MYOM2: variants seen among roughly 807,000 people sequenced by gnomAD.
MYOM2 encodes myomesin 2.
A neutral mutation model predicts 187.6 loss-of-function variants in MYOM2; 254 were observed. The ratio of observed to expected loss-of-function variants is 1.35; its 90% confidence interval spans 1.22 to 1.50. The LOEUF is 1.50. MYOM2 is among the 40% of genes most tolerant of loss of function. The pLI is 0.00. For missense variants in MYOM2, 2,796 were observed against 1,924.0 expected, an observed-to-expected ratio of 1.45 and a Z score of -8.48; for synonymous variants, 981 against 753.8, an observed-to-expected ratio of 1.30 and a Z score of -4.94.
intron 32 of MYOM2, among the ~76,000 whole-genome samples, chr8:2,129,716 G>A (rs891648504): frequency 6.6e-6 from 1 of 152,164 alleles, no homozygotes; most frequent in East Asian, 1.9e-4. Flanking sequence ...GCTTCTCTGG[G>A]TCGGTACGGA....
chr8:2,072,158 G>C (rs1442696256), intron 8 of MYOM2, among the ~76,000 whole-genome samples, 187 bp from the exon 9 acceptor site: 1 of 152,136 alleles, frequency 6.6e-6, no homozygotes, highest in African/African-American at 2.4e-5. Context: ...GTGAACCCGG[G>C]AGGCGAAGCC....
rs1796588920 is a variant in MYOM2 at position 2,098,913 on chromosome 8, G to C, written c.2370G>C (p.Leu790=). The change falls in exon 19 of 37, where the codon CTG becomes CTC. Residue 790 remains leucine (L), a synonymous_variant. Transcript: ENST00000262113. ...AGTTCAAAATCGCCGCCGTCAACCT[G>C]GCCGGCATCGGGGAGCCCTCAGATC... ...LYEFKIAAVN[L]AGIGEPSDPS... The C allele has an allele frequency of 1.9e-6, 3 of 1,613,266 alleles. No individual in the cohort carries two copies. The highest frequency in any genetic ancestry group is 1.7e-6 in the Non-Finnish European group (2 of 1,179,742).
intron 14 of MYOM2, among the ~76,000 whole-genome samples, chr8:2,086,537 T>TGGCCCACC (rs1796081812): frequency 2.5e-5 from 2 of 80,230 alleles, no homozygotes; most frequent in African/African-American, 3.4e-5. Context: ...CTGTCGTGTT[T>TGGCCCACC]GCTGTGTTTT....
chr8:2,065,725 A>C (rs1168316409), intron 6 of MYOM2, among the ~76,000 whole-genome samples: 3 of 152,194 alleles, frequency 2.0e-5, no homozygotes, highest in African/African-American at 7.2e-5. Flanking sequence ...AAACATTTTT[A>C]CCTTGACATC....
intron 32 of MYOM2, among the ~76,000 whole-genome samples, chr8:2,137,365 C>T (rs573193959): frequency 2.0e-4 from 30 of 151,938 alleles, no homozygotes; most frequent in Admixed American, 6.5e-5. Context: ...CCAGGCATGA[C>T]AAAAATCGTC....
At chr8:2,099,108 G>A (rs1796599005) in intron 19 of MYOM2, 125 bp downstream of exon 19, 8 of 1,272,198 alleles carry the variant, frequency 6.3e-6, no homozygotes, top group Non-Finnish European at 8.4e-6. Flanking sequence ...ACCCGCAGCC[G>A]CAGAGCCACC....
Position 2,100,941 on chromosome 8 carries a change from CCT to C in MYOM2, c.2507_2508del (p.Pro836ArgfsTer40). On this transcript the variant is annotated frameshift_variant, in exon 20 of 37. Coordinates refer to ENST00000262113, the MANE Select transcript of MYOM2 (RefSeq NM_003970.4). LOFTEE classifies it high-confidence loss of function. ...DTSLVMLWKA[P>X]VYSGSSPVSG... ...GTCCTTGGTCATGCTGTGGAAGGCC[CCT>C]GTGTACTCCGGCAGCAGCCCTGTTT... 6.2e-7 allele frequency: 1 copy of C among 1,614,160 alleles called. No individual in the cohort carries two copies. The highest frequency in any genetic ancestry group is 2.2e-5 in the East Asian group (1 of 44,880).
At chr8:2,056,036 T>C (rs1347089747) in intron 3 of MYOM2, among the ~76,000 whole-genome samples, 1 of 152,184 alleles carries the variant, frequency 6.6e-6, no homozygotes. Context: ...CAGCCTAACT[T>C]AGACTACTGA....
At position 2,057,354 on chromosome 8, in the gene MYOM2, G is replaced by A; in HGVS notation, c.270G>A (p.Gln90=). Residue 90 remains glutamine (Q), a synonymous_variant, in exon 4 of 37, where the codon CAG becomes CAA. Coordinates refer to ENST00000262113, the MANE Select transcript of MYOM2 (RefSeq NM_003970.4). ...DEEQENRSRY[Q]SLVAAYGEAK... The stretch of plus-strand genomic sequence containing the variant: ...TGCTTCTCGGCTCCTGCAGGTACCA[G>A]TCCCTGGTGGCCGCCTATGGTGAGG... The A allele has an allele frequency of 6.2e-7, 1 of 1,606,670 alleles. No homozygotes were observed. The highest frequency in any genetic ancestry group is 8.5e-7 in the Non-Finnish European group (1 of 1,176,082).
At chr8:2,052,696 T>G (rs145499530) in intron 3 of MYOM2, among the ~76,000 whole-genome samples, 150 of 152,304 alleles carry the variant, frequency 9.8e-4, no homozygotes, top group Non-Finnish European at 1.8e-3. Flanking sequence ...TAAGCACACA[T>G]GAAAACATCA....
intron 32 of MYOM2, among the ~76,000 whole-genome samples, chr8:2,137,278 G>A (rs896132780): frequency 6.6e-6 from 1 of 151,972 alleles, no homozygotes; most frequent in Non-Finnish European, 1.5e-5. Flanking sequence ...ACACAGGGTG[G>A]CAGCGATTGT....
chr8:2,086,333 CCCCACTGTTGTGATCTCTGCGTGGCCT>C (rs1796047461), intron 14 of MYOM2, among the ~76,000 whole-genome samples: 2 of 5,508 alleles, frequency 3.6e-4, no homozygotes, highest in Non-Finnish European at 6.9e-4. Context: ...CTGCGTGGCC[CCCCACTGTTGTGATCTCTGCGTGGCCT>C]CCCACTGTTG....
At chr8:2,134,113 T>C (rs910245407) in intron 32 of MYOM2, among the ~76,000 whole-genome samples, 6 of 152,322 alleles carry the variant, frequency 3.9e-5, no homozygotes, top group African/African-American at 1.2e-4. Flanking sequence ...CTATTAACTC[T>C]GCTACAGACC....
chr8:2,067,950 C>T (rs554725042), intron 6 of MYOM2, among the ~76,000 whole-genome samples: 4 of 152,096 alleles, frequency 2.6e-5, no homozygotes, highest in Non-Finnish European at 4.4e-5. Flanking sequence ...GCTTTTGGAA[C>T]AGGGAGTTTG....
intron 25 of MYOM2, among the ~76,000 whole-genome samples, chr8:2,115,164 C>A (rs1212431479): frequency 3.5e-5 from 5 of 144,166 alleles, no homozygotes; most frequent in African/African-American, 7.6e-5. Context: ...AGGCAACCAG[C>A]AAAAAAAAAA....
intron 25 of MYOM2, among the ~76,000 whole-genome samples, chr8:2,111,683 C>T (rs1225067710): frequency 6.6e-6 from 1 of 152,216 alleles, no homozygotes; most frequent in Non-Finnish European, 1.5e-5. Flanking sequence ...CATGGTACCT[C>T]CAAGAGCGAC....
chr8:2,080,672 T>C (rs975388994), intron 13 of MYOM2, among the ~76,000 whole-genome samples: 5 of 152,240 alleles, frequency 3.3e-5, no homozygotes, highest in African/African-American at 1.2e-4. Context: ...CCTGGTATTC[T>C]GTCTCATGCA....
At chr8:2,096,558 C>T in intron 18 of MYOM2, 124 bp downstream of exon 18, 1 of 906,126 alleles carries the variant, frequency 1.1e-6, no homozygotes, top group Non-Finnish European at 1.7e-6. Flanking sequence ...TAAAAAATAG[C>T]ATCATGAGAT....
At chr8:2,141,375 A>G (rs1215537526) in intron 34 of MYOM2, among the ~76,000 whole-genome samples, 198 bp downstream of exon 34, 1 of 152,228 alleles carries the variant, frequency 6.6e-6, no homozygotes, top group African/African-American at 2.4e-5. Flanking sequence ...TTATAAACGG[A>G]CTGTCCAGAG....
Sources: gnomAD v4.1 joint callset for allele counts (sites outside exome capture counted in the v4.1 genomes callset) on GRCh38, gnomAD v4.1.1 for gene constraint, MANE v1.5 for transcripts, NCBI Gene and HGNC (gene_info 2026-07-23, HGNC 2026-07-21) for gene names.